The following ZNF121 variants were observed in gnomAD, a reference collection of about 807,000 sequenced individuals.
ZNF121 encodes zinc finger protein 121 (clone ZHC32).
A neutral mutation model predicts 2.4 loss-of-function variants in ZNF121; 1 was observed. The observed-to-expected ratio is 0.41, with a 90% CI of 0.15 to 1.94. ZNF121 has a LOEUF of 1.94. Among genes scored for constraint, ZNF121 ranks in the 30% most tolerant of loss-of-function variants. The pLI is 0.30. For missense variants in ZNF121, 369 were observed against 466.3 expected (o/e 0.79, Z 1.92); for synonymous variants, 173 against 158.6 (o/e 1.09, Z -0.68).
intron 1 of ZNF121, among the ~76,000 whole-genome samples, chr19:9,573,753 G>A (rs2074190250): frequency 6.8e-6 from 1 of 147,392 alleles, no homozygotes; most frequent in Non-Finnish European, 1.5e-5. Flanking sequence ...AAAGCATTAA[G>A]AGAAAAGAAG....
chr19:9,565,900 C>T lies in ZNF121; in HGVS notation c.*40G>A. The T allele has an allele frequency of 7.0e-7, 1 of 1,427,504 alleles. No individual in the cohort carries two copies. Among genetic ancestry groups the T allele is most frequent in the Non-Finnish European group, 9.4e-7 (1 of 1,064,722 alleles). The allele number at this position is 1,427,504 out of a possible 1,614,324, so 88.4% of individuals were successfully genotyped here. ...TGTGGTAATTATGGTATGAGAAATT[C>T]CTAAAAGATTTCCACATTCCTTACA... is the stretch of plus-strand genomic sequence containing the variant. On this transcript the variant is annotated 3_prime_UTR_variant, in exon 4 of 4. Coordinates refer to ENST00000320451, the MANE Select transcript of ZNF121 (RefSeq NM_001008727.5).
intron 1 of ZNF121, among the ~76,000 whole-genome samples, chr19:9,574,223 G>GC: frequency 6.6e-6 from 1 of 152,110 alleles, no homozygotes; most frequent in East Asian, 1.9e-4. Flanking sequence ...TCGGCTCACT[G>GC]CAACCTCCGC....
At chr19:9,581,397 G>A (rs1484040834) in intron 1 of ZNF121, among the ~76,000 whole-genome samples, 2 of 152,038 alleles carry the variant, frequency 1.3e-5, no homozygotes, top group African/African-American at 4.8e-5. Context: ...AGATAGGGTG[G>A]GCACGTAGAA....
At chr19:9,583,391 TCTCGGCTCACTGCAAC>T (rs952889127) in intron 1 of ZNF121, among the ~76,000 whole-genome samples, 2 of 147,098 alleles carry the variant, frequency 1.4e-5, no homozygotes, top group Non-Finnish European at 3.0e-5. Context: ...CAGTGGCAGA[TCTCGGCTCACTGCAAC>T]CTCGGCCTCT....
At position 9,568,157 on chromosome 19, in the gene ZNF121, T is replaced by G; in HGVS notation, c.-60A>C. 6.7e-7 allele frequency: 1 copy of G among 1,497,418 alleles called. No homozygotes were observed. Among genetic ancestry groups the G allele is most frequent in the Non-Finnish European group, 9.0e-7 (1 of 1,107,384 alleles). 92.8% of individuals were successfully genotyped at this position (1,497,418 alleles called of 1,614,324 possible). A position where few individuals can be genotyped will look rare whatever the true frequency, so the allele number is the denominator to read the frequency against. On this transcript the variant is annotated 5_prime_UTR_variant, in exon 3 of 4. Coordinates refer to ENST00000320451, the MANE Select transcript of ZNF121 (RefSeq NM_001008727.5). Reference sequence around the variant, plus strand: ...AAAATGTTGTTGAGGTGCTGACACTTTGGTTTTAACTTGCCATTCTGAAGT... The same window carrying G: ...AAAATGTTGTTGAGGTGCTGACACTGTGGTTTTAACTTGCCATTCTGAAGT...
At chr19:9,577,528 C>G (rs1007045556) in intron 1 of ZNF121, among the ~76,000 whole-genome samples, 2 of 151,598 alleles carry the variant, frequency 1.3e-5, no homozygotes, top group African/African-American at 4.8e-5. Context: ...CTATAAAACA[C>G]TGATGAAACA....
intron 1 of ZNF121, among the ~76,000 whole-genome samples, chr19:9,583,488 G>GTTTTT (rs1568217015): frequency 9.1e-6 from 1 of 109,816 alleles, no homozygotes; most frequent in Middle Eastern, 4.7e-3. Flanking sequence ...ACCAAGCCTG[G>GTTTTT]CTTTTTTTTT....
chr19:9,565,653 C>T lies in ZNF121; in HGVS notation c.*287G>A, dbSNP rs1050416495. 1 of 150,798 alleles carries T rather than the reference C, an allele frequency of 6.6e-6. No individual in the cohort carries two copies. Among genetic ancestry groups the T allele is most frequent in the Non-Finnish European group, 1.4e-5 (1 of 69,132 alleles). The allele number at this position is 150,798 out of a possible 1,614,324, so 9.3% of individuals were successfully genotyped here. A position where few individuals can be genotyped will look rare whatever the true frequency, so the allele number is the denominator to read the frequency against. Reference sequence around the variant, plus strand: ...TGCACTCCAGCCTGTGTGATGACAACAGCAAAACTCTGTCTCAAATAAAAT... The same window carrying T: ...TGCACTCCAGCCTGTGTGATGACAATAGCAAAACTCTGTCTCAAATAAAAT... On this transcript the variant is annotated 3_prime_UTR_variant, in exon 4 of 4. Transcript: ENST00000320451.
At chr19:9,580,539 C>T (rs2074241651) in intron 1 of ZNF121, among the ~76,000 whole-genome samples, 1 of 151,468 alleles carries the variant, frequency 6.6e-6, no homozygotes, top group Admixed American at 6.6e-5. Context: ...AAAAATAGAA[C>T]TGTCAATAGA....
At chr19:9,578,342 C>T (rs1193078730) in intron 1 of ZNF121, among the ~76,000 whole-genome samples, 1 of 151,698 alleles carries the variant, frequency 6.6e-6, no homozygotes. Flanking sequence ...TGCAGTGAGC[C>T]GAGGTCGCAC....
At chr19:9,584,019 T>C (rs1169210262) in intron 1 of ZNF121, among the ~76,000 whole-genome samples, 1 of 152,222 alleles carries the variant, frequency 6.6e-6, no homozygotes, top group African/African-American at 2.4e-5. Flanking sequence ...CGAGACATTT[T>C]TAAGCAAAGA....
chr19:9,567,378 T>C (rs1355288860), intron 3 of ZNF121, among the ~76,000 whole-genome samples: 1 of 152,196 alleles, frequency 6.6e-6, no homozygotes, highest in Non-Finnish European at 1.5e-5. Flanking sequence ...TGATAATTTG[T>C]ACTTGTGAGA....
intron 1 of ZNF121, among the ~76,000 whole-genome samples, chr19:9,571,427 G>T (rs1421837157): frequency 6.6e-6 from 1 of 152,016 alleles, no homozygotes; most frequent in African/African-American, 2.4e-5. Flanking sequence ...CATGAACTTA[G>T]GTGATCACTC....
rs927489986 is a variant in ZNF121, at chr19:9,566,984, C to A, written c.129G>T (p.Glu43Asp). 5 of 1,614,062 alleles carry A rather than the reference C, an allele frequency of 3.1e-6. No individual in the cohort carries two copies. In the African/African-American group the frequency reaches 6.7e-5, roughly 22 times the overall value. Reference sequence around the variant, plus strand: ...GTAACATGGGAAAGTTTTCTCCATACTCATCACAGTCATAAGTGTCCCCTG... The same window carrying A: ...GTAACATGGGAAAGTTTTCTCCATAATCATCACAGTCATAAGTGTCCCCTG... ...ENTGDTYDCDEYGENFPMLHN... is the reference protein window; with the variant it reads ...ENTGDTYDCDDYGENFPMLHN... Residue 43 changes from glutamate to aspartate, a missense_variant, in exon 4 of 4, where the codon GAG becomes GAT. Coordinates refer to ENST00000320451, the MANE Select transcript of ZNF121 (RefSeq NM_001008727.5).
Position 9,563,479 on chromosome 19 carries a change from G to A in ZNF121, c.*2461C>T, listed in dbSNP as rs1270038877. ...AATATCTAGATAAATGGCAGAGGTA[G>A]CTCTACTAGAGTTTTAACAGAGACA... On this transcript the variant is annotated 3_prime_UTR_variant, in exon 4 of 4. Transcript: ENST00000320451. 1 of 152,224 alleles carries A rather than the reference G, an allele frequency of 6.6e-6. No homozygotes were observed. The highest frequency in any genetic ancestry group is 1.5e-5 in the Non-Finnish European group (1 of 68,034). The allele number at this position is 152,224 out of a possible 1,614,324, so 9.4% of individuals were successfully genotyped here.
At chr19:9,573,975 T>C (rs1167694747) in intron 1 of ZNF121, among the ~76,000 whole-genome samples, 2 of 151,848 alleles carry the variant, frequency 1.3e-5, no homozygotes, top group Admixed American at 6.6e-5. Context: ...GCCTCCCAAG[T>C]AACTGTTACT....
rs545476191 is a variant in ZNF121 at position 9,572,438 on chromosome 19, G to C, written c.-159-3356C>G. ...TCAACCCACAGGAAGCATTACAAAT[G>C]CCTGAAGGGAGAAACATCCCTGAGG... On this transcript the variant is annotated intron_variant, in intron 1 of 3. Coordinates refer to ENST00000320451, the MANE Select transcript of ZNF121 (RefSeq NM_001008727.5). Among the ~76,000 whole-genome samples, 5 of 152,326 alleles carry C rather than the reference G, an allele frequency of 3.3e-5. No individual in the cohort carries two copies. In the East Asian group the frequency reaches 9.6e-4, roughly 29 times the overall value.
At chr19:9,575,334 A>G (rs2074203009) in intron 1 of ZNF121, among the ~76,000 whole-genome samples, 1 of 152,326 alleles carries the variant, frequency 6.6e-6, no homozygotes, top group Non-Finnish European at 1.5e-5. Flanking sequence ...GAGGCAGGAG[A>G]ATCACTTGAA....
intron 1 of ZNF121, among the ~76,000 whole-genome samples, chr19:9,569,797 T>C (rs2074159754): frequency 6.7e-6 from 1 of 150,288 alleles, no homozygotes; most frequent in African/African-American, 2.4e-5. Flanking sequence ...CCTCCCAAAG[T>C]GCTGGGATTG....
Sources: gnomAD v4.1 joint callset for allele counts (sites outside exome capture counted in the v4.1 genomes callset) on GRCh38, gnomAD v4.1.1 for gene constraint, MANE v1.5 for transcripts, NCBI Gene and HGNC (gene_info 2026-07-23, HGNC 2026-07-21) for gene names.